COLEC12: variants seen among roughly 807,000 people sequenced by gnomAD.
COLEC12 encodes the protein collectin subfamily member 12, also known as collectin-12.
Under a neutral mutation model 71.1 loss-of-function variants are expected in COLEC12, and 33 were observed. That is an observed-to-expected ratio of 0.46 (90% CI 0.35 to 0.62). COLEC12 has a LOEUF of 0.62. Ranked by LOEUF, COLEC12 falls within the 20% of genes least tolerant of loss-of-function variation. The probability of loss-of-function intolerance (pLI) is 0.00; values close to 1 mark genes in which losing one functional copy is unlikely to be tolerated. For missense variants in COLEC12, 765 were observed against 916.1 expected, an observed-to-expected ratio of 0.84 and a Z score of 2.13; for synonymous variants, 350 against 353.0, an observed-to-expected ratio of 0.99 and a Z score of 0.10.
chr18:442,853 C>G (rs1021694157), intron 2 of COLEC12, among the ~76,000 whole-genome samples: 2 of 152,190 alleles, frequency 1.3e-5, no homozygotes, highest in Admixed American at 6.5e-5. Flanking sequence ...CCCAGCTACT[C>G]AGGAGGCTGA....
chr18:409,487 T>C lies in COLEC12; in HGVS notation c.59-51965A>G, dbSNP rs539541912. On this transcript the variant is annotated intron_variant, in intron 2 of 9. Transcript: ENST00000400256. ...TTGCAGTGAGCCAAGATCACACCAC[T>C]GTACTCCAGCCTGGGCGACAAGAGC... is the stretch of plus-strand genomic sequence containing the variant. 3.9e-3 allele frequency among the ~76,000 whole-genome samples: 590 copies of C among 152,292 alleles called. 2 individuals carry two copies. The highest frequency in any genetic ancestry group is 0.013 in the African/African-American group (549 of 41,574).
At position 497,383 on chromosome 18, in the gene COLEC12, GGTGT is replaced by G. The variant is rs10689788; in HGVS notation, c.7+3121_7+3124del. On this transcript the variant is annotated intron_variant, in intron 1 of 9. Coordinates refer to ENST00000400256, the MANE Select transcript of COLEC12 (RefSeq NM_130386.3). ...GATTTTCAATTTGGCTAAAGAATGGGGTGTGTGTGTGTGTGTGTGTGTGTGTGTG... is the reference window on the plus strand; with the variant it reads ...GATTTTCAATTTGGCTAAAGAATGGGGTGTGTGTGTGTGTGTGTGTGTGTG... Among the ~76,000 whole-genome samples the G allele has an allele frequency of 9.5e-3, 1,395 of 147,136 alleles. 11 individuals carry two copies. The highest frequency in any genetic ancestry group is 0.012 in the Non-Finnish European group (771 of 66,456).
intron 2 of COLEC12, among the ~76,000 whole-genome samples, chr18:452,055 T>C (rs935307132): frequency 6.6e-6 from 1 of 152,252 alleles, no homozygotes; most frequent in East Asian, 1.9e-4. Context: ...AGATGGTAAC[T>C]TGCTCGAGAA....
At chr18:350,250 C>T (rs139515129) in intron 3 of COLEC12, among the ~76,000 whole-genome samples, 13 of 152,290 alleles carry the variant, frequency 8.5e-5, no homozygotes, top group Non-Finnish European at 1.2e-4. Context: ...ATAAGTCTCA[C>T]GAGATCTGAT....
chr18:330,503 T>A (rs913648761), intron 8 of COLEC12, among the ~76,000 whole-genome samples: 71 of 149,666 alleles, frequency 4.7e-4, no homozygotes, highest in African/African-American at 1.0e-3. Context: ...TTTTTTTTTT[T>A]AATTTTATTT....
At position 463,942 on chromosome 18, in the gene COLEC12, C is replaced by A. The variant is rs1024669003; in HGVS notation, c.58+16765G>T. 3.9e-5 allele frequency among the ~76,000 whole-genome samples: 6 copies of A among 152,194 alleles called. No individual in the cohort carries two copies. In the South Asian group the frequency reaches 6.2e-4, roughly 16 times the overall value. Reference sequence around the variant, plus strand: ...GCTCACTAGCCTGGCCCATTCCCTGCACCTGCACCCTATGCCCTACAGCTC... The same window carrying A: ...GCTCACTAGCCTGGCCCATTCCCTGAACCTGCACCCTATGCCCTACAGCTC... On this transcript the variant is annotated intron_variant, in intron 2 of 9. Transcript: ENST00000400256.
intron 1 of COLEC12, among the ~76,000 whole-genome samples, chr18:489,207 A>G (rs1302785062): frequency 1.3e-5 from 2 of 152,262 alleles, no homozygotes; most frequent in Admixed American, 1.3e-4. Flanking sequence ...ATTTAGCAGC[A>G]AAGTTGGAAG....
intron 2 of COLEC12, among the ~76,000 whole-genome samples, chr18:479,062 TG>T (rs973762126): frequency 1.3e-5 from 2 of 152,222 alleles, no homozygotes; most frequent in Non-Finnish European, 2.9e-5. Flanking sequence ...TGCCAAAACA[TG>T]TAGGCATCTC....
chr18:427,604 T>C (rs1302540746), intron 2 of COLEC12, among the ~76,000 whole-genome samples: 1 of 152,178 alleles, frequency 6.6e-6, no homozygotes, highest in African/African-American at 2.4e-5. Context: ...TTACTGGGAC[T>C]AAAAAATCTG....
intron 2 of COLEC12, among the ~76,000 whole-genome samples, chr18:371,448 G>A (rs1043774406): frequency 6.6e-6 from 1 of 152,152 alleles, no homozygotes; most frequent in Admixed American, 6.5e-5. Flanking sequence ...ACAAATCACG[G>A]AAGAGAAATG....
intron 2 of COLEC12, among the ~76,000 whole-genome samples, chr18:412,989 G>A (rs901247303): frequency 7.2e-5 from 11 of 152,256 alleles, no homozygotes; most frequent in South Asian, 4.1e-4. Flanking sequence ...AAAGCATTAC[G>A]ATTTAAAGAT....
intron 2 of COLEC12, among the ~76,000 whole-genome samples, chr18:410,867 A>G (rs1598354909): frequency 6.6e-6 from 1 of 152,180 alleles, no homozygotes; most frequent in East Asian, 1.9e-4. Context: ...TCAATAATAA[A>G]TGCTCAACAC....
chr18:360,993 T>C (rs1018205116), intron 2 of COLEC12, among the ~76,000 whole-genome samples: 1 of 152,174 alleles, frequency 6.6e-6, no homozygotes, highest in Non-Finnish European at 1.5e-5. Context: ...CTTTTCTTAT[T>C]GTACTCAACT....
At chr18:394,116 C>G (rs1289914629) in intron 2 of COLEC12, among the ~76,000 whole-genome samples, 1 of 152,144 alleles carries the variant, frequency 6.6e-6, no homozygotes, top group African/African-American at 2.4e-5. Flanking sequence ...ATTTTATACT[C>G]AGTCAACTTC....
In COLEC12 at chr18:334,810, G is replaced by A; in HGVS notation, c.1748C>T (p.Pro583Leu). The change falls in exon 6 of 10, where the codon CCT becomes CTT. Residue 583 changes from proline (P) to leucine (L), a missense_variant. Coordinates refer to ENST00000400256, the MANE Select transcript of COLEC12 (RefSeq NM_130386.3). ...MPGPKGPPGP[P>L]GPSGAVVPLA... ...GGGCACCACCGCTCCTGATGGGCCAGGAGGGCCGGGGGGGCCCTTGGGGCC... is the reference window on the plus strand; with the variant it reads ...GGGCACCACCGCTCCTGATGGGCCAAGAGGGCCGGGGGGGCCCTTGGGGCC... 2.6e-6 allele frequency: 4 copies of A among 1,514,270 alleles called. No homozygotes were observed. Among genetic ancestry groups the A allele is most frequent in the Non-Finnish European group, 2.6e-6 (3 of 1,138,482 alleles). The allele number at this position is 1,514,270 out of a possible 1,614,324, so 93.8% of individuals were successfully genotyped here.
intron 1 of COLEC12, among the ~76,000 whole-genome samples, chr18:489,083 C>A (rs1414189934): frequency 2.0e-5 from 3 of 151,998 alleles, no homozygotes; most frequent in Non-Finnish European, 4.4e-5. Context: ...CAAGGCTCAT[C>A]ATCATAAAAT....
chr18:497,480 T>C (rs1598383987), intron 1 of COLEC12, among the ~76,000 whole-genome samples: 1 of 151,880 alleles, frequency 6.6e-6, no homozygotes, highest in Non-Finnish European at 1.5e-5. Flanking sequence ...TCTCGGCTCA[T>C]TGCAACCTCC....
chr18:430,650 G>A (rs1200075222), intron 2 of COLEC12, among the ~76,000 whole-genome samples: 2 of 151,996 alleles, frequency 1.3e-5, no homozygotes, highest in Admixed American at 6.6e-5. Flanking sequence ...TTTTTAAACC[G>A]AAAAGTCAAT....
chr18:486,944 C>A (rs1917529894), intron 1 of COLEC12, among the ~76,000 whole-genome samples: 1 of 152,116 alleles, frequency 6.6e-6, no homozygotes, highest in Admixed American at 6.6e-5. Context: ...AGTTACCATA[C>A]AATCCAGCAA....
Sources: allele counts gnomAD v4.1 joint callset (sites outside exome capture counted in the v4.1 genomes callset), GRCh38; gene constraint gnomAD v4.1.1; transcripts MANE v1.5; gene names NCBI Gene and HGNC (gene_info 2026-07-23, HGNC 2026-07-21).